ZFP90: variants seen among roughly 807,000 people sequenced by gnomAD.
The protein encoded by ZFP90 is zinc finger protein 90 homolog.
A neutral mutation model predicts 60.8 loss-of-function variants in ZFP90; 38 were observed. That is an observed-to-expected ratio of 0.62 (90% CI 0.48 to 0.82). ZFP90 has a LOEUF of 0.82. Among genes scored for constraint, ZFP90 ranks in the 40% least tolerant of loss-of-function variants. The pLI is 0.00. For missense variants in ZFP90, 711 were observed against 759.1 expected (o/e 0.94, Z 0.74); for synonymous variants, 287 against 264.8 (o/e 1.08, Z -0.82).
chr16:68,539,849 C>T (rs1241898739), intron 2 of ZFP90, 24 bp downstream of exon 2: 18 of 1,604,334 alleles, frequency 1.1e-5, no homozygotes, highest in South Asian at 1.0e-4. Flanking sequence ...TCCTAACCTC[C>T]TGGGCATCCC....
In ZFP90 at chr16:68,566,564, CTG is replaced by C. The variant is rs1437734482; in HGVS notation, c.*1869_*1870del. On this transcript the variant is annotated 3_prime_UTR_variant, in exon 5 of 5. Coordinates refer to ENST00000563169, the MANE Select transcript of ZFP90 (RefSeq NM_001305203.2). The stretch of plus-strand genomic sequence containing the variant: ...ATGTGTAGCTCAATTAGTCTCTCCT[CTG>C]TGATGCAAAATGGAATATTCAATGG... 6.1e-6 allele frequency: 6 copies of C among 985,442 alleles called. No individual in the cohort carries two copies. The African/African-American group carries it at 1.0e-4, about 17-fold the overall frequency. The allele number at this position is 985,442 out of a possible 1,614,324, so 61.0% of individuals were successfully genotyped here.
chr16:68,573,657 T>G (rs1236448490), intron 2 of ZFP90: 1 of 152,178 alleles, frequency 6.6e-6, no homozygotes, highest in Non-Finnish European at 1.5e-5. Flanking sequence ...ACCACCAGTT[T>G]ACAATTAATA....
upstream of ZFP90, among the ~76,000 whole-genome samples, chr16:68,536,424 A>C (rs2152049470): frequency 6.6e-6 from 1 of 152,224 alleles, no homozygotes; most frequent in Middle Eastern, 3.4e-3. Flanking sequence ...CTCCCACCTC[A>C]GCCTCCCCAG....
rs2091512852 is a variant in ZFP90, at chr16:68,565,576, A to G, written c.*878A>G. On this transcript the variant is annotated 3_prime_UTR_variant, in exon 5 of 5. Coordinates refer to ENST00000563169, the MANE Select transcript of ZFP90 (RefSeq NM_001305203.2). Reference sequence around the variant, plus strand: ...CCCAGTTACAATTATACTTTCAGCTAACATATGCCAGTTTCACAGAACTAT... The same window carrying G: ...CCCAGTTACAATTATACTTTCAGCTGACATATGCCAGTTTCACAGAACTAT... The G allele has an allele frequency of 3.0e-6, 3 of 985,464 alleles. No individual in the cohort carries two copies. The highest frequency in any genetic ancestry group is 3.6e-6 in the Non-Finnish European group (3 of 829,942). 61.0% of individuals were successfully genotyped at this position (985,464 alleles called of 1,614,324 possible).
At chr16:68,539,866 C>T in intron 2 of ZFP90, 41 bp downstream of exon 2, 2 of 1,597,062 alleles carry the variant, frequency 1.3e-6, no homozygotes, top group African/African-American at 1.3e-5. Context: ...TCCCATCCAT[C>T]TATCCATCCC....
chr16:68,538,905 C>T (rs1314659134), upstream of ZFP90, among the ~76,000 whole-genome samples: 1 of 152,188 alleles, frequency 6.6e-6, no homozygotes, highest in Non-Finnish European at 1.5e-5. Context: ...GTAAATGCCC[C>T]ACCCTCTGAC....
intron 2 of ZFP90, among the ~76,000 whole-genome samples, chr16:68,554,267 G>A (rs1260650535): frequency 4.0e-5 from 6 of 151,768 alleles, no homozygotes; most frequent in African/African-American, 1.2e-4. Flanking sequence ...GATTACAGGC[G>A]CCCGTCACCA....
At position 68,563,380 on chromosome 16, in the gene ZFP90, T is replaced by G. The variant is rs751210535; in HGVS notation, c.593T>G (p.Leu198Ter). The part of the protein sequence containing the change: ...LGSNLGHNAD[L>*]LNENNILAKK... ...AGCAATTTGGGACATAATGCAGACT[T>G]ACTTAATGAGAATAATATTCTTGCA... The change falls in exon 5 of 5, where the codon TTA becomes TGA. Residue 198 changes from leucine to a stop codon, truncating the protein, a stop_gained. Coordinates refer to ENST00000563169, the MANE Select transcript of ZFP90 (RefSeq NM_001305203.2). LOFTEE classifies it high-confidence loss of function. 1.9e-6 allele frequency: 3 copies of G among 1,613,836 alleles called. No homozygotes were observed. The highest frequency in any genetic ancestry group is 2.5e-6 in the Non-Finnish European group (3 of 1,179,950).
At position 68,564,664 on chromosome 16, in the gene ZFP90, A is replaced by C; in HGVS notation, c.1877A>C (p.Lys626Thr). The change falls in exon 5 of 5, where the codon AAA (lysine) becomes ACA (threonine). Residue 626 changes from lysine to threonine, a missense_variant. Lys to Thr is a moderately conservative substitution (Grantham distance 78). Transcript: ENST00000563169. ...KNFSRSSALTKHQRIHTRNKL is the reference protein window; with the variant it reads ...KNFSRSSALTTHQRIHTRNKL The stretch of plus-strand genomic sequence containing the variant: ...TTCAGCCGAAGTTCAGCTCTTACTA[A>C]ACACCAGAGAATTCATACTCGAAAT... The C allele has an allele frequency of 1.2e-6, 2 of 1,611,914 alleles. No homozygotes were observed. The highest frequency in any genetic ancestry group is 1.7e-6 in the Non-Finnish European group (2 of 1,179,422).
downstream of ZFP90, among the ~76,000 whole-genome samples, chr16:68,571,745 T>A (rs780165913): frequency 6.6e-6 from 1 of 152,062 alleles, no homozygotes; most frequent in Non-Finnish European, 1.5e-5. Context: ...CTAAGCAACA[T>A]AGTGAGACCT....
At chr16:68,554,660 C>G (rs1171353885) in intron 2 of ZFP90, among the ~76,000 whole-genome samples, 1 of 152,064 alleles carries the variant, frequency 6.6e-6, no homozygotes, top group African/African-American at 2.4e-5. Context: ...CAGAATGAAA[C>G]CAGGAGGCCG....
chr16:68,540,808 C>CAAAAAAAAAAAAAAAAAAAAA (rs35122186), intron 2 of ZFP90, among the ~76,000 whole-genome samples: 1 of 92,698 alleles, frequency 1.1e-5, no homozygotes, highest in Non-Finnish European at 2.0e-5. Context: ...TCCGTCTCTG[C>CAAAAAAAAAAAAAAAAAAAAA]AAAAAAAAAA....
At chr16:68,539,268 C>T (rs1567390850), upstream of ZFP90, 1 of 154,406 alleles carries the variant, frequency 6.5e-6, no homozygotes, top group Non-Finnish European at 1.4e-5. Context: ...GTTGCAGGAG[C>T]GAGGCTCCGA....
At chr16:68,546,141 C>T (rs933860555) in intron 2 of ZFP90, among the ~76,000 whole-genome samples, 2 of 152,200 alleles carry the variant, frequency 1.3e-5, no homozygotes, top group African/African-American at 4.8e-5. Context: ...CACCATTGCA[C>T]TCCAGCCTGG....
chr16:68,576,213 A>T (rs2091593478), downstream of ZFP90: 1 of 166,282 alleles, frequency 6.0e-6, no homozygotes, highest in African/African-American at 2.4e-5. Flanking sequence ...CCATTCCCAG[A>T]GAATTGTCAT....
chr16:68,563,009 G>A (rs1205714416), intron 4 of ZFP90, 35 bp from the exon 5 acceptor site: 1 of 1,612,224 alleles, frequency 6.2e-7, no homozygotes, highest in South Asian at 1.1e-5. Flanking sequence ...CAACAGGAAG[G>A]AATAGGGGAC....
At chr16:68,557,138 C>T (rs766011045) in intron 2 of ZFP90, 5 of 452,866 alleles carry the variant, frequency 1.1e-5, no homozygotes, top group South Asian at 7.8e-5. Flanking sequence ...TAGGCACACA[C>T]CACCATGCCA....
At position 68,564,316 on chromosome 16, in the gene ZFP90, C is replaced by T. The variant is rs770181041; in HGVS notation, c.1529C>T (p.Thr510Ile). 6.2e-7 allele frequency: 1 copy of T among 1,614,100 alleles called. No individual in the cohort carries two copies. Among genetic ancestry groups the T allele is most frequent in the Non-Finnish European group, 8.5e-7 (1 of 1,180,008 alleles). The part of the protein sequence containing the change: ...NVCGKAFKRS[T>I]SFIEHHRIHT... The stretch of plus-strand genomic sequence containing the variant: ...TGTGGGAAAGCTTTCAAAAGGAGTA[C>T]AAGTTTCATAGAGCATCACAGAATT... The change falls in exon 5 of 5, where the codon ACA (threonine) becomes ATA (isoleucine). Residue 510 changes from threonine (T) to isoleucine (I), a missense_variant. Thr to Ile is a moderately conservative substitution (Grantham distance 89). This residue lies in a region of ZFP90 where 295 missense variants were observed against 274.0 expected (regional missense o/e 1.08). Transcript: ENST00000563169.
chr16:68,555,386 C>T (rs533908366), intron 2 of ZFP90: 1 of 152,312 alleles, frequency 6.6e-6, no homozygotes, highest in South Asian at 2.1e-4. Context: ...TGCAGGGACA[C>T]AGCCAAGTGT....
Sources: gnomAD v4.1 joint callset for allele counts (sites outside exome capture counted in the v4.1 genomes callset) on GRCh38, gnomAD v4.1.1 for gene constraint, gnomAD v4.1.1 regional missense constraint, MANE v1.5 for transcripts, NCBI Gene and HGNC (gene_info 2026-07-23, HGNC 2026-07-21) for gene names.